Variants in MAPK8 observed in about 807,000 individuals in gnomAD.
The protein encoded by MAPK8 is JUN N-terminal kinase.
A neutral mutation model predicts 52.9 loss-of-function variants in MAPK8; 13 were observed. That is an observed-to-expected ratio of 0.25 (90% confidence interval 0.16 to 0.39). The LOEUF (loss-of-function observed/expected upper bound fraction) is 0.39, where lower values mean the gene tolerates loss of function less well. Among genes scored for constraint, MAPK8 ranks in the 10% least tolerant of loss-of-function variants. The pLI, the probability that MAPK8 is intolerant of heterozygous loss-of-function variation, is 1.00. For missense variants in MAPK8, 300 were observed against 519.2 expected, an observed-to-expected ratio of 0.58 and a Z score of 4.10; for synonymous variants, 191 against 169.8, an observed-to-expected ratio of 1.12 and a Z score of -0.97.
chr10:48,414,708 T>G (rs1460676725), intron 5 of MAPK8, among the ~76,000 whole-genome samples: 6 of 150,706 alleles, frequency 4.0e-5, no homozygotes, highest in African/African-American at 1.2e-4. Flanking sequence ...CCCAAGTAGC[T>G]AAGACTATGG....
At position 48,332,825 on chromosome 10, in the gene MAPK8, A is replaced by G. The variant is rs73293190; in HGVS notation, c.-50+26004A>G. On this transcript the variant is annotated intron_variant, in intron 1 of 11. Transcript: ENST00000374189. The stretch of plus-strand genomic sequence containing the variant: ...GCCCCACTCTGTCCAGATTTTTCCA[A>G]AAGTGTGTACCACTTTGGATTTTAA... Among the ~76,000 whole-genome samples, 631 of 152,346 alleles carry G rather than the reference A, an allele frequency of 4.1e-3. 6 individuals are homozygous for G. The highest frequency in any genetic ancestry group is 0.017 in the East Asian group (90 of 5,190).
At chr10:48,374,689 A>T (rs1485749052) in intron 1 of MAPK8, among the ~76,000 whole-genome samples, 1 of 152,214 alleles carries the variant, frequency 6.6e-6, no homozygotes, top group Admixed American at 6.5e-5. Context: ...CTAAACCAGG[A>T]AAAAGTTGAA....
chr10:48,429,767 A>C (rs1281565932), intron 10 of MAPK8: 3 of 152,206 alleles, frequency 2.0e-5, no homozygotes, highest in African/African-American at 4.8e-5. Context: ...GTTGTTGTTC[A>C]TTCCAACATA....
chr10:48,403,456 TAA>T (rs568314320), intron 2 of MAPK8, among the ~76,000 whole-genome samples: 13 of 131,372 alleles, frequency 9.9e-5, no homozygotes, highest in African/African-American at 1.7e-4. Flanking sequence ...AGACTCCGTC[TAA>T]AAAAAAAAAA....
chr10:48,328,448 T>C (rs1843748154), intron 1 of MAPK8, among the ~76,000 whole-genome samples: 1 of 152,246 alleles, frequency 6.6e-6, no homozygotes, highest in African/African-American at 2.4e-5. Flanking sequence ...AGGTGGCTGC[T>C]GTGTCCATTT....
At chr10:48,368,358 G>T (rs1848250002) in intron 1 of MAPK8, among the ~76,000 whole-genome samples, 1 of 152,184 alleles carries the variant, frequency 6.6e-6, no homozygotes, top group African/African-American at 2.4e-5. Context: ...GAAGCCTCAG[G>T]GATGAGTAGG....
chr10:48,360,765 T>C (rs1052855634), intron 1 of MAPK8, among the ~76,000 whole-genome samples: 1 of 152,064 alleles, frequency 6.6e-6, no homozygotes, highest in African/African-American at 2.4e-5. Context: ...AACCGAAAAA[T>C]ATGACTGGGA....
intron 1 of MAPK8, among the ~76,000 whole-genome samples, chr10:48,369,252 G>A (rs553723766): frequency 1.3e-5 from 2 of 152,282 alleles, no homozygotes; most frequent in South Asian, 4.1e-4. Flanking sequence ...TGAATCAGGG[G>A]TAAGTAAGAA....
At chr10:48,360,021 A>G (rs192514768) in intron 1 of MAPK8, among the ~76,000 whole-genome samples, 14 of 152,262 alleles carry the variant, frequency 9.2e-5, no homozygotes, top group Admixed American at 7.9e-4. Context: ...TTACAAATTA[A>G]CCGGGTTTGG....
At position 48,435,672 on chromosome 10, in the gene MAPK8, A is replaced by G. The variant is rs1424671433; in HGVS notation, c.*643A>G. 6.6e-6 allele frequency: 1 copy of G among 152,240 alleles called. No individual in the cohort carries two copies. Among genetic ancestry groups the G allele is most frequent in the Non-Finnish European group, 1.5e-5 (1 of 68,042 alleles). 9.4% of individuals were successfully genotyped at this position (152,240 alleles called of 1,614,324 possible). A position where few individuals can be genotyped will look rare whatever the true frequency, so the allele number is the denominator to read the frequency against. On this transcript the variant is annotated 3_prime_UTR_variant, in exon 12 of 12. Transcript: ENST00000374189. ...TTTTGGCAAAAGCCCCGTCATCTAA[A>G]TGGCAGAATAACTCAGAGCATGTCT...
intron 1 of MAPK8, among the ~76,000 whole-genome samples, chr10:48,324,136 T>C (rs1361600489): frequency 2.0e-5 from 3 of 152,264 alleles, no homozygotes. Flanking sequence ...TATTCGTTTA[T>C]GTCTCTCCTA....
chr10:48,384,775 G>A lies in MAPK8; in HGVS notation c.-49-16837G>A, dbSNP rs1227366598. 2.0e-5 allele frequency among the ~76,000 whole-genome samples: 3 copies of A among 152,176 alleles called. No individual in the cohort carries two copies. The East Asian group carries it at 5.8e-4, about 29-fold the overall frequency. On this transcript the variant is annotated intron_variant, in intron 1 of 11. Coordinates refer to ENST00000374189, the MANE Select transcript of MAPK8 (RefSeq NM_001323329.2). ...GGAAGAACATGAGAGTTTCATAGTT[G>A]GCCAGGTGCCAAGTCCAGGAATGGC... is the stretch of plus-strand genomic sequence containing the variant.
At chr10:48,406,974 T>A (rs189375304) in intron 3 of MAPK8, among the ~76,000 whole-genome samples, 50 of 152,348 alleles carry the variant, frequency 3.3e-4, no homozygotes, top group African/African-American at 1.2e-3. Flanking sequence ...TCTTTCTTTG[T>A]TACAGGCCTG....
chr10:48,424,447 A>ATTTC, intron 7 of MAPK8: 1 of 1,050,856 alleles, frequency 9.5e-7, no homozygotes, highest in African/African-American at 1.6e-5. Context: ...GTGTGATTTT[A>ATTTC]TTTCTTTCTT....
chr10:48,343,480 A>T (rs1214394124), intron 1 of MAPK8, among the ~76,000 whole-genome samples: 1 of 152,220 alleles, frequency 6.6e-6, no homozygotes, highest in Non-Finnish European at 1.5e-5. Context: ...AAAAGATAAC[A>T]TTCGCAGCTT....
intron 1 of MAPK8, among the ~76,000 whole-genome samples, chr10:48,353,412 A>G (rs965089743): frequency 6.6e-6 from 1 of 152,228 alleles, no homozygotes; most frequent in Non-Finnish European, 1.5e-5. Context: ...GGAACAGACT[A>G]GAAACCCAGA....
At chr10:48,369,193 G>A (rs1848331424) in intron 1 of MAPK8, among the ~76,000 whole-genome samples, 1 of 152,114 alleles carries the variant, frequency 6.6e-6, no homozygotes, top group African/African-American at 2.4e-5. Flanking sequence ...TAAAGGAAGG[G>A]GACCTCTTTA....
intron 1 of MAPK8, among the ~76,000 whole-genome samples, chr10:48,365,855 A>C (rs1847982838): frequency 6.6e-6 from 1 of 152,190 alleles, no homozygotes; most frequent in Non-Finnish European, 1.5e-5. Flanking sequence ...GATTACAATT[A>C]TCTCTTGATG....
At chr10:48,433,294 T>C (rs930787322) in intron 11 of MAPK8, among the ~76,000 whole-genome samples, 2 of 152,192 alleles carry the variant, frequency 1.3e-5, no homozygotes, top group Non-Finnish European at 2.9e-5. Context: ...GGTAAAATAA[T>C]AGACCCTGAA....
Sources: allele counts gnomAD v4.1 joint callset (sites outside exome capture counted in the v4.1 genomes callset), GRCh38; gene constraint gnomAD v4.1.1; transcripts MANE v1.5; gene names NCBI Gene and HGNC (gene_info 2026-07-23, HGNC 2026-07-21).